Variants in CEP295 observed in about 807,000 individuals in gnomAD.
The protein encoded by CEP295 is centrosomal protein 295.
CEP295 carries 190 observed loss-of-function variants against 291.6 expected under a neutral mutation model. The ratio of observed to expected loss-of-function variants is 0.65; its 90% confidence interval spans 0.58 to 0.73. CEP295 has a LOEUF of 0.73. Among genes scored for constraint, CEP295 ranks in the 30% least tolerant of loss-of-function variants. The pLI, the probability that CEP295 is intolerant of heterozygous loss-of-function variation, is 0.00. For missense variants in CEP295, 2,863 were observed against 2,949.4 expected (o/e 0.97, Z 0.68); for synonymous variants, 993 against 1,038.8 (o/e 0.96, Z 0.85).
Position 93,683,678 on chromosome 11 carries a change from A to G in CEP295, c.885A>G (p.Glu295=). 2 of 1,550,204 alleles carry G rather than the reference A, an allele frequency of 1.3e-6. No individual in the cohort carries two copies. The highest frequency in any genetic ancestry group is 2.4e-5 in the South Asian group (2 of 83,594). Residue 295 remains glutamate, a synonymous_variant, in exon 8 of 30, where the codon GAA becomes GAG. Transcript: ENST00000325212. ...QLVELPYKRS[E]MKEDWQRELE... ...TTGAACTTCCATACAAACGCAGTGA[A>G]ATGAAAGAAGACTGGCAGAGAGAAT... is the stretch of plus-strand genomic sequence containing the variant.
At position 93,729,755 on chromosome 11, in the gene CEP295, A is replaced by C. The variant is rs1178245976; in HGVS notation, c.7541A>C (p.Lys2514Thr). 13 of 1,548,432 alleles carry C rather than the reference A, an allele frequency of 8.4e-6. No homozygotes were observed. The Middle Eastern group carries it at 8.3e-4, about 99-fold the overall frequency. Residue 2514 changes from lysine (K) to threonine (T), a missense_variant, in exon 27 of 30, where the codon AAA (lysine) becomes ACA (threonine). Around this residue, in one of 3 missense-constraint regions of CEP295, gnomAD observed 2,295 missense variants for 2,335.7 expected, o/e 0.98. Transcript: ENST00000325212. ...KIHVSENSQI[K>T]TVKEKPSISS... ...CATGTCTCTGAAAATTCTCAAATCAAAACAGTTAAAGAGAAACCATCTATA... is the reference window on the plus strand; with the variant it reads ...CATGTCTCTGAAAATTCTCAAATCACAACAGTTAAAGAGAAACCATCTATA...
Position 93,729,517 on chromosome 11 carries a change from G to C in CEP295, c.7386G>C (p.Arg2462Ser). The change falls in exon 26 of 30, where the codon AGG becomes AGC. Residue 2462 changes from arginine to serine, a missense_variant. Physicochemically the swap from Arg to Ser is moderately radical, Grantham distance 110 (BLOSUM62 -1). This residue lies in a region of CEP295 where 2,295 missense variants were observed against 2,335.7 expected (regional missense o/e 0.98). Transcript: ENST00000325212. ...AVSELSIEKP[R>S]TASTETPRRL... ...CAGAACTTTCCATAGAAAAACCAAG[G>C]ACAGCATCTACAGGTAAGCCTTGGA... 6.4e-7 allele frequency: 1 copy of C among 1,551,684 alleles called. No individual in the cohort carries two copies. The highest frequency in any genetic ancestry group is 8.7e-7 in the Non-Finnish European group (1 of 1,146,862).
Position 93,684,041 on chromosome 11 carries a change from C to G in CEP295, c.1027C>G (p.Leu343Val), listed in dbSNP as rs1951103145. The change falls in exon 9 of 30, where the codon CTG (leucine) becomes GTG (valine). Residue 343 changes from leucine (L) to valine (V), a missense_variant. Leu to Val is a conservative substitution (Grantham distance 32, BLOSUM62 1). Coordinates refer to ENST00000325212, the MANE Select transcript of CEP295 (RefSeq NM_033395.2). The part of the protein sequence containing the change: ...TVTNQIQDEE[L>V]DLSMEQENLG... Reference sequence around the variant, plus strand: ...GACTAATCAGATCCAAGATGAAGAGCTGGACCTTTCAATGGAACAAGAAAA... The same window carrying G: ...GACTAATCAGATCCAAGATGAAGAGGTGGACCTTTCAATGGAACAAGAAAA... 1 of 1,551,710 alleles carries G rather than the reference C, an allele frequency of 6.4e-7. No homozygotes were observed.
rs1285695355 is a variant in CEP295, at chr11:93,683,964, A to C, written c.950A>C (p.Lys317Thr). 6.5e-7 allele frequency: 1 copy of C among 1,535,254 alleles called. No individual in the cohort carries two copies. The highest frequency in any genetic ancestry group is 8.7e-7 in the Non-Finnish European group (1 of 1,143,132). ...AFEDMYNADR[K>T]VKGNLILHLE... The stretch of plus-strand genomic sequence containing the variant: ...CGTGTCTCTATTTTTCTTTTTTAAG[A>C]GGTGAAAGGGAATCTGATTCTGCAC... Residue 317 changes from lysine to threonine, a missense_variant and splice_region_variant, in exon 9 of 30, where the codon AAG (lysine) becomes ACG (threonine). Coordinates refer to ENST00000325212, the MANE Select transcript of CEP295 (RefSeq NM_033395.2).
Position 93,667,652 on chromosome 11 carries a change from A to G in CEP295, c.154A>G (p.Ile52Val). Residue 52 changes from isoleucine (I) to valine (V), a missense_variant, in exon 3 of 30, where the codon ATA becomes GTA. Coordinates refer to ENST00000325212, the MANE Select transcript of CEP295 (RefSeq NM_033395.2). Reference sequence around the variant, plus strand: ...TATCGCCTTACAGATAAGAGAAGACATAAAACAGAGGAGAAATCAACAATT... The same window carrying G: ...TATCGCCTTACAGATAAGAGAAGACGTAAAACAGAGGAGAAATCAACAATT... ...RDIALQIREDIKQRRNQQFTR... is the reference protein window; with the variant it reads ...RDIALQIREDVKQRRNQQFTR... The G allele has an allele frequency of 3.9e-6, 6 of 1,551,596 alleles. No homozygotes were observed. The highest frequency in any genetic ancestry group is 5.2e-6 in the Non-Finnish European group (6 of 1,146,830).
chr11:93,690,724 C>T (rs1326667852), intron 10 of CEP295, among the ~76,000 whole-genome samples: 9 of 99,904 alleles, frequency 9.0e-5, no homozygotes, highest in Non-Finnish European at 1.0e-4. Context: ...AATGAGACTC[C>T]GTCTCAAAAA....
At chr11:93,716,768 C>T (rs772371631) in intron 18 of CEP295, among the ~76,000 whole-genome samples, 5 of 152,334 alleles carry the variant, frequency 3.3e-5, no homozygotes, top group Admixed American at 6.5e-5. Flanking sequence ...ACATGACCAT[C>T]GCTGTGCAAC....
intron 18 of CEP295, among the ~76,000 whole-genome samples, chr11:93,710,010 A>G (rs1952792757): frequency 6.6e-6 from 1 of 152,190 alleles, no homozygotes; most frequent in Admixed American, 6.5e-5. Flanking sequence ...ACCGTACTGA[A>G]TTTATCAGTT....
Position 93,702,468 on chromosome 11 carries a change from G to T in CEP295, c.5283G>T (p.Lys1761Asn). 6.5e-7 allele frequency: 1 copy of T among 1,530,550 alleles called. No individual in the cohort carries two copies. Among genetic ancestry groups the T allele is most frequent in the Non-Finnish European group, 8.8e-7 (1 of 1,139,176 alleles). The allele number at this position is 1,530,550 out of a possible 1,614,324, so 94.8% of individuals were successfully genotyped here. A position where few individuals can be genotyped will look rare whatever the true frequency, so the allele number is the denominator to read the frequency against. ...CATCTCCACTTTTTCAGATAAGTAAGCCCACAGTTGAAAATGATTTAAAAA... is the reference window on the plus strand; with the variant it reads ...CATCTCCACTTTTTCAGATAAGTAATCCCACAGTTGAAAATGATTTAAAAA... The part of the protein sequence containing the change: ...KDFFKDSQIS[K>N]PTVENDLKTQ... Residue 1761 changes from lysine (K) to asparagine (N), a missense_variant, in exon 16 of 30, where the codon AAG becomes AAT. Physicochemically the swap from Lys to Asn is moderately conservative, Grantham distance 94 (BLOSUM62 0). This residue lies in a region of CEP295 where 2,295 missense variants were observed against 2,335.7 expected (regional missense o/e 0.98). Coordinates refer to ENST00000325212, the MANE Select transcript of CEP295 (RefSeq NM_033395.2).
rs1346378808 is a variant in CEP295, at chr11:93,697,870, A to G, written c.2958A>G (p.Val986=). The change falls in exon 15 of 30, where the codon GTA becomes GTG. Residue 986 remains valine, a synonymous_variant. Transcript: ENST00000325212. ...AACAGAGTGAATTGGATAGAAGAGT[A>G]TGTTCCGAACAGGCTGAGCCCTCTT... ...VHKQSELDRR[V]CSEQAEPSFP... 1 of 1,551,740 alleles carries G rather than the reference A, an allele frequency of 6.4e-7. No individual in the cohort carries two copies.
chr11:93,670,396 TTA>T (rs1001204539), intron 5 of CEP295, among the ~76,000 whole-genome samples: 2 of 22,562 alleles, frequency 8.9e-5, no homozygotes, highest in African/African-American at 5.5e-5. Flanking sequence ...CTTATTTTTT[TTA>T]AAAAAATGTA....
chr11:93,714,829 TAG>T (rs1445804444), intron 18 of CEP295, among the ~76,000 whole-genome samples: 1 of 151,228 alleles, frequency 6.6e-6, no homozygotes. Context: ...CCCAAACAAA[TAG>T]AGTCAGTCAG....
chr11:93,677,728 T>C (rs1950765066), intron 6 of CEP295, among the ~76,000 whole-genome samples: 1 of 152,202 alleles, frequency 6.6e-6, no homozygotes, highest in Non-Finnish European at 1.5e-5. Flanking sequence ...AAAGTGAAGC[T>C]GAATCAGTTA....
chr11:93,706,216 T>A (rs527960669), intron 17 of CEP295, among the ~76,000 whole-genome samples: 10 of 152,306 alleles, frequency 6.6e-5, no homozygotes, highest in African/African-American at 2.4e-4. Context: ...GTATTCCTTT[T>A]GTAGTAGTGC....
Position 93,727,456 on chromosome 11 carries a change from C to G in CEP295, c.6980C>G (p.Thr2327Arg). 6.4e-7 allele frequency: 1 copy of G among 1,551,918 alleles called. No homozygotes were observed. Among genetic ancestry groups the G allele is most frequent in the Non-Finnish European group, 8.7e-7 (1 of 1,147,012 alleles). Residue 2327 changes from threonine to arginine, a missense_variant, in exon 24 of 30, where the codon ACA becomes AGA. Coordinates refer to ENST00000325212, the MANE Select transcript of CEP295 (RefSeq NM_033395.2). ...EETDSRLCVR[T>R]VEMGTSIQAP... ...ACTGACTCTCGATTATGTGTAAGAA[C>G]AGTGGAGATGGGAACTTCAATTCAG...
intron 18 of CEP295, among the ~76,000 whole-genome samples, chr11:93,709,445 A>C (rs184744850): frequency 6.6e-6 from 1 of 152,174 alleles, no homozygotes; most frequent in South Asian, 2.1e-4. Flanking sequence ...CTCAAAACTG[A>C]GTACACAGTA....
At chr11:93,687,546 A>T in intron 9 of CEP295, 98 bp from the exon 10 acceptor site, 1 of 634,456 alleles carries the variant, frequency 1.6e-6, no homozygotes, top group Non-Finnish European at 2.7e-6. Context: ...CTGTGCTTTT[A>T]ACTAGTGGTT....
At chr11:93,683,453 GA>G in intron 7 of CEP295, 105 bp from the exon 8 acceptor site, 1 of 742,114 alleles carries the variant, frequency 1.3e-6, no homozygotes, top group South Asian at 2.2e-5. Context: ...TAGAGGAGAG[GA>G]GAGAAGCTTA....
Position 93,676,613 on chromosome 11 carries a change from T to C in CEP295, c.624+947T>C, listed in dbSNP as rs75427631. Among the ~76,000 whole-genome samples the C allele has an allele frequency of 7.8e-3, 1,187 of 152,152 alleles. 41 individuals are homozygous for C. Among genetic ancestry groups the C allele is most frequent in the East Asian group, 0.07 (364 of 5,186 alleles). ...GATGCAAGAGTAAATCTGAGATTTA[T>C]TTAAAATTGTAAAGTATTATTACAG... On this transcript the variant is annotated intron_variant, in intron 6 of 29. Transcript: ENST00000325212.
Sources: allele counts gnomAD v4.1 joint callset (sites outside exome capture counted in the v4.1 genomes callset), GRCh38; gene constraint gnomAD v4.1.1; regional missense constraint gnomAD v4.1.1; transcripts MANE v1.5; gene names NCBI Gene and HGNC (gene_info 2026-07-23, HGNC 2026-07-21).